Variants in NLGN1 observed in about 807,000 individuals in gnomAD.
The protein encoded by NLGN1 is neuroligin-1.
In NLGN1, 12 loss-of-function variants were observed where a neutral mutation model predicts 65.5. That is an observed-to-expected ratio of 0.18 (90% CI 0.12 to 0.30). The LOEUF (loss-of-function observed/expected upper bound fraction) is 0.30, where lower values mean the gene tolerates loss of function less well. Among genes scored for constraint, NLGN1 ranks in the 10% least tolerant of loss-of-function variants. NLGN1 has a pLI of 1.00. For missense variants in NLGN1, 750 were observed against 1,007.1 expected (o/e 0.74, Z 3.46); for synonymous variants, 350 against 359.5 (o/e 0.97, Z 0.30).
At chr3:173,505,749 C>A (rs1731937831) in intron 2 of NLGN1, among the ~76,000 whole-genome samples, 1 of 152,066 alleles carries the variant, frequency 6.6e-6, no homozygotes, top group Admixed American at 6.6e-5. Flanking sequence ...CTGTCATTGG[C>A]AGTCGATTCC....
intron 4 of NLGN1, among the ~76,000 whole-genome samples, chr3:173,909,713 C>G (rs753220535): frequency 4.6e-5 from 7 of 152,050 alleles, no homozygotes; most frequent in Admixed American, 1.3e-4. Flanking sequence ...GAGTCTTGCT[C>G]TTGTTGCCCA....
chr3:174,030,510 A>G (rs897640094), intron 4 of NLGN1, among the ~76,000 whole-genome samples: 2 of 152,126 alleles, frequency 1.3e-5, no homozygotes, highest in African/African-American at 4.8e-5. Flanking sequence ...AGCAAGTTAA[A>G]TTTCCGTGTA....
intron 2 of NLGN1, among the ~76,000 whole-genome samples, chr3:173,550,649 AG>A (rs1740682992): frequency 2.2e-4 from 7 of 31,996 alleles, no homozygotes; most frequent in Non-Finnish European, 4.0e-4. Flanking sequence ...TGTCTTTTTG[AG>A]ACCATTAGAC....
intron 3 of NLGN1, among the ~76,000 whole-genome samples, chr3:173,639,498 G>A (rs1757081476): frequency 6.6e-6 from 1 of 152,320 alleles, no homozygotes; most frequent in South Asian, 2.1e-4. Context: ...CAGTCATAGG[G>A]AATAGCACTG....
In NLGN1 at chr3:173,494,148, T is replaced by TGTGC. The variant is rs1553866666; in HGVS notation, c.-321+59071_-321+59072insTGCG. On this transcript the variant is annotated intron_variant, in intron 2 of 6. Coordinates refer to ENST00000457714, the Ensembl canonical transcript of NLGN1. ...GTGTGTGTGTGTGTGTGTGTGTGTG[T>TGTGC]GCGCGTGCATGTGCGGGGAGTGGTG... Among the ~76,000 whole-genome samples the TGTGC allele has an allele frequency of 2.2e-3, 313 of 143,242 alleles. 2 individuals are homozygous for TGTGC. The highest frequency in any genetic ancestry group is 3.1e-3 in the Non-Finnish European group (201 of 65,456). The allele number at this position is 143,242 out of a possible 152,430, so 94.0% of individuals were successfully genotyped here. A position where few individuals can be genotyped will look rare whatever the true frequency, so the allele number is the denominator to read the frequency against.
intron 2 of NLGN1, among the ~76,000 whole-genome samples, chr3:173,532,614 T>C (rs1485807282): frequency 6.6e-6 from 1 of 152,198 alleles, no homozygotes; most frequent in East Asian, 1.9e-4. Context: ...CAAAGTCCGA[T>C]AGAGTAGTCA....
At chr3:173,477,215 A>C (rs1158610089) in intron 2 of NLGN1, among the ~76,000 whole-genome samples, 1 of 152,152 alleles carries the variant, frequency 6.6e-6, no homozygotes, top group Non-Finnish European at 1.5e-5. Flanking sequence ...TATAGGTGGA[A>C]GGTGAAGCCA....
intron 4 of NLGN1, among the ~76,000 whole-genome samples, chr3:174,183,017 G>A (rs1262327087): frequency 2.0e-5 from 3 of 151,970 alleles, no homozygotes; most frequent in Admixed American, 2.0e-4. Context: ...ACAATGGAAG[G>A]CCCTTCCCAA....
At chr3:173,842,587 T>C (rs2861592) in intron 4 of NLGN1, among the ~76,000 whole-genome samples, 91,146 of 152,036 alleles carry the variant, frequency 0.6, 28,546 homozygotes, top group Non-Finnish European at 0.69. Context: ...ACAGGCTTCA[T>C]GCAAGTCTGA....
intron 1 of NLGN1, among the ~76,000 whole-genome samples, chr3:173,416,665 A>G (rs1489804585): frequency 1.3e-5 from 2 of 152,162 alleles, no homozygotes; most frequent in Non-Finnish European, 2.9e-5. Flanking sequence ...TTAATTTCTT[A>G]CTTAGATATC....
At chr3:174,047,301 A>C (rs931113175) in intron 4 of NLGN1, among the ~76,000 whole-genome samples, 1 of 152,046 alleles carries the variant, frequency 6.6e-6, no homozygotes, top group Non-Finnish European at 1.5e-5. Context: ...CACTAACAGA[A>C]ATGTATTGTA....
chr3:174,081,310 C>G (rs892282166), intron 4 of NLGN1, among the ~76,000 whole-genome samples: 3 of 152,102 alleles, frequency 2.0e-5, no homozygotes, highest in Non-Finnish European at 4.4e-5. Flanking sequence ...TAACAAAATA[C>G]TATAAACTGA....
At chr3:174,080,045 A>C (rs931890229) in intron 4 of NLGN1, among the ~76,000 whole-genome samples, 43 of 152,162 alleles carry the variant, frequency 2.8e-4, no homozygotes, top group Non-Finnish European at 2.4e-4. Context: ...GAGTTAAATA[A>C]AAAATATTAA....
chr3:173,785,549 A>G (rs932891824), intron 3 of NLGN1, among the ~76,000 whole-genome samples: 1 of 152,172 alleles, frequency 6.6e-6, no homozygotes, highest in Non-Finnish European at 1.5e-5. Flanking sequence ...TATTGTCAGT[A>G]CTAGATAAAT....
intron 3 of NLGN1, among the ~76,000 whole-genome samples, chr3:173,802,682 T>G (rs886575009): frequency 9.9e-5 from 15 of 152,058 alleles, no homozygotes; most frequent in African/African-American, 3.6e-4. Context: ...GTAACTTCAT[T>G]TACATCAGTC....
At chr3:174,217,754 A>T (rs1338388219) in intron 4 of NLGN1, among the ~76,000 whole-genome samples, 1 of 151,956 alleles carries the variant, frequency 6.6e-6, no homozygotes, top group African/African-American at 2.4e-5. Flanking sequence ...AGAGAGAAAG[A>T]GTAGGGTGAA....
At chr3:173,896,585 C>T (rs1444177660) in intron 4 of NLGN1, among the ~76,000 whole-genome samples, 1 of 152,200 alleles carries the variant, frequency 6.6e-6, no homozygotes, top group Admixed American at 6.5e-5. Context: ...TTTGATCCTA[C>T]AAAATATGAG....
intron 2 of NLGN1, among the ~76,000 whole-genome samples, chr3:173,482,036 T>C (rs1223013735): frequency 3.3e-5 from 5 of 152,000 alleles, no homozygotes; most frequent in Non-Finnish European, 4.4e-5. Flanking sequence ...ACATAGGCAA[T>C]TTGTTTTTCA....
At chr3:173,859,490 A>G (rs529349381) in intron 4 of NLGN1, among the ~76,000 whole-genome samples, 3 of 152,126 alleles carry the variant, frequency 2.0e-5, no homozygotes, top group Non-Finnish European at 4.4e-5. Context: ...GTAAGAATCT[A>G]GGAAAATATT....
Sources: gnomAD v4.1 joint callset for allele counts (sites outside exome capture counted in the v4.1 genomes callset) on GRCh38, gnomAD v4.1.1 for gene constraint, MANE v1.5 for transcripts, NCBI Gene and HGNC (gene_info 2026-07-23, HGNC 2026-07-21) for gene names.